MELK: variants seen among roughly 807,000 people sequenced by gnomAD.
The protein encoded by MELK is pEg3 kinase.
In MELK, 81 loss-of-function variants were observed where a neutral mutation model predicts 85.0. The ratio of observed to expected loss-of-function variants is 0.95; its 90% CI spans 0.80 to 1.15. The LOEUF is 1.15. MELK is among the 50% of genes most tolerant of loss of function. The probability of loss-of-function intolerance (pLI) is 0.00; values close to 1 mark genes in which losing one functional copy is unlikely to be tolerated. For missense variants in MELK, 754 were observed against 777.5 expected, an observed-to-expected ratio of 0.97 and a Z score of 0.36; for synonymous variants, 252 against 265.0, an observed-to-expected ratio of 0.95 and a Z score of 0.48.
intron 1 of MELK, among the ~76,000 whole-genome samples, chr9:36,574,161 T>C (rs773846027): frequency 3.0e-4 from 46 of 152,096 alleles, no homozygotes; most frequent in Non-Finnish European, 6.2e-4. Context: ...GTCTGTCCTT[T>C]CTGTGTAACT....
chr9:36,671,667 A>G (rs1419891116), intron 16 of MELK, among the ~76,000 whole-genome samples: 1 of 152,116 alleles, frequency 6.6e-6, no homozygotes, highest in Non-Finnish European at 1.5e-5. Context: ...ATCTTATTTA[A>G]TAGACCCAGT....
At chr9:36,618,376 T>G (rs1341936910) in intron 8 of MELK, among the ~76,000 whole-genome samples, 1 of 140,398 alleles carries the variant, frequency 7.1e-6, no homozygotes, top group Non-Finnish European at 1.5e-5. Context: ...GCCACTGCAC[T>G]CCAGCCTGGG....
intron 8 of MELK, among the ~76,000 whole-genome samples, chr9:36,613,692 A>G (rs955611813): frequency 6.6e-6 from 1 of 152,152 alleles, no homozygotes; most frequent in Non-Finnish European, 1.5e-5. Flanking sequence ...TGTCAAGTGG[A>G]TATCTAGGAG....
chr9:36,644,209 TTGTGTGTG>T (rs55796800), intron 11 of MELK, among the ~76,000 whole-genome samples: 2,776 of 144,852 alleles, frequency 0.019, 27 homozygotes, highest in East Asian at 0.021. Flanking sequence ...TACCTGTGTT[TTGTGTGTG>T]TGTGTGTGTG....
intron 10 of MELK, among the ~76,000 whole-genome samples, chr9:36,642,314 G>A (rs1829826994): frequency 6.6e-6 from 1 of 151,370 alleles, no homozygotes; most frequent in Non-Finnish European, 1.5e-5. Flanking sequence ...CTGTTGTATA[G>A]CCACTGATTT....
chr9:36,669,985 G>A (rs1299154226), intron 15 of MELK, among the ~76,000 whole-genome samples: 3 of 152,150 alleles, frequency 2.0e-5, no homozygotes, highest in African/African-American at 7.2e-5. Flanking sequence ...ATTTATCAAA[G>A]CTATATAGTA....
chr9:36,621,313 A>C (rs925809986), intron 8 of MELK, among the ~76,000 whole-genome samples: 26 of 132,684 alleles, frequency 2.0e-4, no homozygotes, highest in Non-Finnish European at 3.0e-4. Context: ...AAAAAAAAAA[A>C]AAAACTTGAG....
At chr9:36,577,334 G>A (rs962538339) in intron 1 of MELK, among the ~76,000 whole-genome samples, 11 of 152,068 alleles carry the variant, frequency 7.2e-5, no homozygotes, top group African/African-American at 2.2e-4. Flanking sequence ...CCAACATGGC[G>A]AAACCCCATC....
intron 14 of MELK, 135 bp downstream of exon 14, chr9:36,665,716 A>G (rs1358049215): frequency 1.6e-6 from 1 of 606,640 alleles, no homozygotes. Context: ...TTATCATGTC[A>G]TTTGCATTAG....
At chr9:36,617,663 AT>A (rs1249424561) in intron 8 of MELK, among the ~76,000 whole-genome samples, 3 of 151,984 alleles carry the variant, frequency 2.0e-5, no homozygotes, top group African/African-American at 7.3e-5. Flanking sequence ...TTTTGACTTT[AT>A]TTTTTAAAAT....
chr9:36,585,271 CTT>C (rs545788003), intron 3 of MELK, among the ~76,000 whole-genome samples: 1 of 104,888 alleles, frequency 9.5e-6, no homozygotes, highest in African/African-American at 3.8e-5. Context: ...CTTGAGTCAT[CTT>C]TTTTTTCTAA....
intron 1 of MELK, 124 bp from the exon 2 acceptor site, chr9:36,581,520 G>A: frequency 3.8e-6 from 2 of 532,572 alleles, no homozygotes; most frequent in South Asian, 2.6e-5. Flanking sequence ...TTTTCATATG[G>A]CCAATAATCA....
chr9:36,616,417 C>G (rs929124069), intron 8 of MELK, among the ~76,000 whole-genome samples: 4 of 120,114 alleles, frequency 3.3e-5, no homozygotes, highest in Admixed American at 1.6e-4. Context: ...TAAGGCAGAG[C>G]CTTACTTTGT....
At chr9:36,625,868 C>T (rs1010925498) in intron 8 of MELK, among the ~76,000 whole-genome samples, 3 of 149,526 alleles carry the variant, frequency 2.0e-5, no homozygotes, top group South Asian at 4.2e-4. Context: ...TTGCAGTGAG[C>T]GAAGATTGTG....
chr9:36,650,528 C>G (rs1033972081), intron 11 of MELK, among the ~76,000 whole-genome samples: 1 of 152,144 alleles, frequency 6.6e-6, no homozygotes, highest in African/African-American at 2.4e-5. Context: ...GAGTATACTA[C>G]CATCAAAACT....
chr9:36,638,297 T>G (rs892350385), intron 10 of MELK, among the ~76,000 whole-genome samples: 3 of 152,262 alleles, frequency 2.0e-5, no homozygotes, highest in Non-Finnish European at 4.4e-5. Context: ...TTTTGTTTGT[T>G]TTTTTGAAAT....
chr9:36,587,645 G>C (rs753877200), intron 3 of MELK, among the ~76,000 whole-genome samples: 1 of 148,898 alleles, frequency 6.7e-6, no homozygotes, highest in Non-Finnish European at 1.5e-5. Flanking sequence ...ACGGAGTTTC[G>C]CTCTTGTTGC....
chr9:36,588,504 C>A (rs11999491), intron 3 of MELK, among the ~76,000 whole-genome samples: 4,098 of 148,354 alleles, frequency 0.028, 189 homozygotes, highest in African/African-American at 0.095. Flanking sequence ...CTCAGCCTCC[C>A]GAGTAGCTGG....
intron 12 of MELK, among the ~76,000 whole-genome samples, chr9:36,653,912 C>T (rs1002790716): frequency 1.3e-5 from 2 of 152,188 alleles, no homozygotes; most frequent in East Asian, 1.9e-4. Context: ...TCATGTGCTA[C>T]AGGTATAGTG....
Sources: gnomAD v4.1 joint callset for allele counts (sites outside exome capture counted in the v4.1 genomes callset) on GRCh38, gnomAD v4.1.1 for gene constraint, MANE v1.5 for transcripts, NCBI Gene and HGNC (gene_info 2026-07-23, HGNC 2026-07-21) for gene names.